Variants in GSG1 observed in about 807,000 individuals in gnomAD.
The protein encoded by GSG1 is germ cell-specific gene 1 protein.
Under a neutral mutation model 30.8 loss-of-function variants are expected in GSG1, and 28 were observed. The ratio of observed to expected loss-of-function variants is 0.91; its 90% CI spans 0.67 to 1.25. The LOEUF is 1.25. GSG1 is among the 50% of genes most tolerant of loss of function. GSG1 has a pLI of 0.00. For missense variants in GSG1, 435 were observed against 444.7 expected (o/e 0.98, Z 0.20); for synonymous variants, 162 against 178.0 (o/e 0.91, Z 0.71).
At chr12:13,091,427 G>A (rs1006111118) in intron 1 of GSG1, among the ~76,000 whole-genome samples, 43 of 152,258 alleles carry the variant, frequency 2.8e-4, no homozygotes, top group African/African-American at 9.6e-4. Context: ...CAGGCCAGAT[G>A]CAGTGGCTCA....
intron 1 of GSG1, 34 bp from the exon 2 acceptor site, chr12:13,090,852 A>T (rs1236325484): frequency 6.4e-7 from 1 of 1,563,574 alleles, no homozygotes; most frequent in Admixed American, 1.8e-5. Flanking sequence ...AAGGGAAGGG[A>T]GCAGGGGAGC....
At chr12:13,103,083 C>T (rs372859142) in intron 1 of GSG1, among the ~76,000 whole-genome samples, 3 of 152,172 alleles carry the variant, frequency 2.0e-5, no homozygotes, top group Admixed American at 6.5e-5. Flanking sequence ...TTGTTGCCAC[C>T]GCTACTGGGC....
At position 13,090,557 on chromosome 12, in the gene GSG1, G is replaced by C. The variant is rs536441717; in HGVS notation, c.310C>G (p.Arg104Gly). 22 of 1,614,088 alleles carry C rather than the reference G, an allele frequency of 1.4e-5. No homozygotes were observed. The highest frequency in any genetic ancestry group is 1.7e-5 in the Non-Finnish European group (20 of 1,180,016). The change falls in exon 2 of 7, where the codon CGG becomes GGG. Residue 104 changes from arginine to glycine, a missense_variant. Coordinates refer to ENST00000651961, the MANE Select transcript of GSG1 (RefSeq NM_001080555.4). The part of the protein sequence containing the change: ...WETGDDRFSF[R>G]SFRSGMWLSC... ...AGCCACATGCCACTCCGGAAGCTCC[G>C]GAAGGAGAACCGGTCATCCCCAGTC...
At position 13,101,813 on chromosome 12, in the gene GSG1, C is replaced by A. The variant is rs973658331; in HGVS notation, c.48+1652G>T. On this transcript the variant is annotated intron_variant, in intron 1 of 6. Transcript: ENST00000651961. The surrounding 1 kb of genome is among the most constrained non-coding windows in gnomAD (Gnocchi z 5.8). ...GCGTCTCATTGGGAAGACCCCAGGG[C>A]GGGACTTCACCACCCAGACCCCTCA... is the stretch of plus-strand genomic sequence containing the variant. Among the ~76,000 whole-genome samples, 3 of 152,324 alleles carry A rather than the reference C, an allele frequency of 2.0e-5. No individual in the cohort carries two copies. The highest frequency in any genetic ancestry group is 6.5e-5 in the Admixed American group (1 of 15,308).
rs771887535 is a variant in GSG1, at chr12:13,098,456, ATTTTTTTTTTTTTT to A, written c.48+4995_48+5008del. On this transcript the variant is annotated intron_variant, in intron 1 of 6. Coordinates refer to ENST00000651961, the MANE Select transcript of GSG1 (RefSeq NM_001080555.4). ...CTTGTAGGATTGTTTCATGTAGCCC[ATTTTTTTTTTTTTT>A]TTTTTTTTTTTTTTTTTTTTTTGGG... Among the ~76,000 whole-genome samples, 351 of 47,360 alleles carry A rather than the reference ATTTTTTTTTTTTTT, an allele frequency of 7.4e-3. 2 individuals carry two copies. Among genetic ancestry groups the A allele is most frequent in the African/African-American group, 0.025 (300 of 11,844 alleles). 31.1% of individuals were successfully genotyped at this position (47,360 alleles called of 152,430 possible).
At position 13,087,236 on chromosome 12, in the gene GSG1, A is replaced by T. The variant is rs1221232487; in HGVS notation, c.662T>A (p.Met221Lys). The T allele has an allele frequency of 6.2e-7, 1 of 1,613,992 alleles. No homozygotes were observed. The highest frequency in any genetic ancestry group is 8.5e-7 in the Non-Finnish European group (1 of 1,179,858). Residue 221 changes from methionine to lysine, a missense_variant, in exon 6 of 7, where the codon ATG (methionine) becomes AAG (lysine). Transcript: ENST00000651961. ...SGLLGMVAHMMYSQVFQATVN... is the reference protein window; with the variant it reads ...SGLLGMVAHMKYSQVFQATVN... ...AGTCGCTTGGAAGACTTGTGAATACATCATGTGGGCCACCATCCCCAGGAG... is the reference window on the plus strand; with the variant it reads ...AGTCGCTTGGAAGACTTGTGAATACTTCATGTGGGCCACCATCCCCAGGAG...
At position 13,084,672 on chromosome 12, in the gene GSG1, A is replaced by C; in HGVS notation, c.*229T>G. The C allele has an allele frequency of 4.9e-6, 2 of 409,148 alleles. No individual in the cohort carries two copies. Among genetic ancestry groups the C allele is most frequent in the Non-Finnish European group, 8.8e-6 (2 of 226,258 alleles). 25.3% of individuals were successfully genotyped at this position (409,148 alleles called of 1,614,324 possible). On this transcript the variant is annotated 3_prime_UTR_variant, in exon 7 of 7. Coordinates refer to ENST00000651961, the MANE Select transcript of GSG1 (RefSeq NM_001080555.4). ...ACAGAAACTATCAGTAAAGAAGGGAATTCTGGATGTGTGAGATGTGGGGTG... is the reference window on the plus strand; with the variant it reads ...ACAGAAACTATCAGTAAAGAAGGGACTTCTGGATGTGTGAGATGTGGGGTG...
intron 1 of GSG1, among the ~76,000 whole-genome samples, chr12:13,091,116 A>T (rs1046521809): frequency 6.6e-6 from 1 of 152,124 alleles, no homozygotes; most frequent in Non-Finnish European, 1.5e-5. Context: ...ACTCTTTCCC[A>T]AGGCTAGCCA....
chr12:13,093,491 T>C lies in GSG1; in HGVS notation c.49-2673A>G, dbSNP rs1442590795. On this transcript the variant is annotated intron_variant, in intron 1 of 6. Coordinates refer to ENST00000651961, the MANE Select transcript of GSG1 (RefSeq NM_001080555.4). This position sits in a 1 kb window ranked among gnomAD's most constrained non-coding sequence, Gnocchi z 4.6. ...AGAGGGCAGTGAACCTACTGGGATG[T>C]GGGGCTATTGAAACCTTTGGAAAGG... Among the ~76,000 whole-genome samples the C allele has an allele frequency of 6.6e-6, 1 of 152,110 alleles. No homozygotes were observed. Among genetic ancestry groups the C allele is most frequent in the Non-Finnish European group, 1.5e-5 (1 of 67,998 alleles).
At position 13,090,516 on chromosome 12, in the gene GSG1, A is replaced by C. The variant is rs1242313197; in HGVS notation, c.351T>G (p.Thr117=). Residue 117 remains threonine, a synonymous_variant, in exon 2 of 7, where the codon ACT becomes ACG. Coordinates refer to ENST00000651961, the MANE Select transcript of GSG1 (RefSeq NM_001080555.4). ...RSGMWLSCEE[T]VEEPALLHPQ... is the part of the protein sequence containing the mutation. ...AATGTAGGCTACCTGGTTCTTCCAC[A>C]GTTTCCTCACAGGATAGCCACATGC... 4 of 1,608,870 alleles carry C rather than the reference A, an allele frequency of 2.5e-6. No individual in the cohort carries two copies. Among genetic ancestry groups the C allele is most frequent in the Admixed American group, 1.7e-5 (1 of 59,862 alleles).
In GSG1 at chr12:13,085,025, G is replaced by T. The variant is rs1460690329; in HGVS notation, c.965C>A (p.Pro322His). Residue 322 changes from proline (P) to histidine (H), a missense_variant, in exon 7 of 7, where the codon CCC (proline) becomes CAC (histidine). Transcript: ENST00000651961. ...GACTCCCTCAGAGACAGAGTGGATG[G>T]GCTGATTATGATACTGGTGGTAGCT... ...LTSYHQYHNQ[P>H]IHSVSEGVDF... The T allele has an allele frequency of 1.3e-6, 2 of 1,571,510 alleles. No homozygotes were observed. Among genetic ancestry groups the T allele is most frequent in the Non-Finnish European group, 1.7e-6 (2 of 1,157,762 alleles).
intron 1 of GSG1, 55 bp from the exon 2 acceptor site, chr12:13,090,873 G>A (rs925180219): frequency 1.2e-5 from 18 of 1,477,152 alleles, no homozygotes; most frequent in Non-Finnish European, 1.6e-5. Context: ...TTGACTCAGA[G>A]CCGCCTCGGA....
chr12:13,087,324 G>T, intron 5 of GSG1, 61 bp from the exon 6 acceptor site: 1 of 1,300,322 alleles, frequency 7.7e-7, no homozygotes, highest in Non-Finnish European at 1.1e-6. Context: ...TCTGCCAGGA[G>T]TACGATTTTG....
rs772351734 is a variant in GSG1 at position 13,090,570 on chromosome 12, G to A, written c.297C>T (p.Asp99=). The change falls in exon 2 of 7, where the codon GAC becomes GAT. Residue 99 remains aspartate, a synonymous_variant. Transcript: ENST00000651961. The part of the protein sequence containing the change: ...VVQYNWETGD[D]RFSFRSFRSG... ...TCCGGAAGCTCCGGAAGGAGAACCG[G>A]TCATCCCCAGTCTCCCAGTTGTATT... 25 of 1,614,122 alleles carry A rather than the reference G, an allele frequency of 1.5e-5. No individual in the cohort carries two copies. The highest frequency in any genetic ancestry group is 2.0e-5 in the Non-Finnish European group (24 of 1,180,042).
At chr12:13,096,518 C>G (rs149717879) in intron 1 of GSG1, among the ~76,000 whole-genome samples, 121 of 151,696 alleles carry the variant, frequency 8.0e-4, no homozygotes, top group African/African-American at 2.8e-3. Context: ...AAGTATCTCC[C>G]TCTACACATG....
intron 1 of GSG1, among the ~76,000 whole-genome samples, chr12:13,099,755 T>TTTTTG (rs1863036961): frequency 3.0e-5 from 4 of 133,902 alleles, no homozygotes; most frequent in East Asian, 2.6e-4. Flanking sequence ...TTTTTGTTTT[T>TTTTTG]TTTTTTTTTT....
At chr12:13,089,354 A>C (rs1052599148) in intron 2 of GSG1, 78 bp from the exon 3 acceptor site, 10 of 1,544,934 alleles carry the variant, frequency 6.5e-6, no homozygotes, top group Admixed American at 5.9e-5. Flanking sequence ...TTTAGCTGAA[A>C]TAGGGAGAAG....
chr12:13,097,943 G>A (rs1862854521), intron 1 of GSG1, among the ~76,000 whole-genome samples: 1 of 152,150 alleles, frequency 6.6e-6, no homozygotes, highest in Non-Finnish European at 1.5e-5. Context: ...ATTAGTCCAC[G>A]TTCTAGCCAA....
chr12:13,100,045 T>G (rs372514269), intron 1 of GSG1, among the ~76,000 whole-genome samples: 20 of 152,398 alleles, frequency 1.3e-4, no homozygotes, highest in African/African-American at 4.6e-4. Context: ...TTGTCTGTCA[T>G]GCTCATTTGA....
Sources: gnomAD v4.1 joint callset for allele counts (sites outside exome capture counted in the v4.1 genomes callset) on GRCh38, gnomAD v4.1.1 for gene constraint, Gnocchi (gnomAD v3.1) non-coding constraint, MANE v1.5 for transcripts, NCBI Gene and HGNC (gene_info 2026-07-23, HGNC 2026-07-21) for gene names.